Variants in PPEF2 observed in about 807,000 individuals in gnomAD.
PPEF2 encodes the protein serine/threonine-protein phosphatase with EF-hands 2.
In PPEF2, 84 loss-of-function variants were observed where a neutral mutation model predicts 84.7. The ratio of observed to expected loss-of-function variants is 0.99; its 90% confidence interval spans 0.83 to 1.19. The LOEUF is 1.19. Ranked by LOEUF, PPEF2 falls within the 50% of genes most tolerant of loss-of-function variation. PPEF2 has a pLI of 0.00. For synonymous variants in PPEF2, 346 were observed against 345.2 expected (o/e 1.00, Z -0.03); for missense variants, 924 against 937.5 (o/e 0.99, Z 0.19).
intron 13 of PPEF2, among the ~76,000 whole-genome samples, chr4:75,869,757 G>T (rs1249159623): frequency 6.6e-6 from 1 of 152,070 alleles, no homozygotes; most frequent in Non-Finnish European, 1.5e-5. Flanking sequence ...TGAAGTGGGA[G>T]GATCTCTTAA....
chr4:75,870,169 A>G lies in PPEF2; in HGVS notation c.1649+1856T>C, dbSNP rs112815065. On this transcript the variant is annotated intron_variant, in intron 13 of 16. Coordinates refer to ENST00000286719, the MANE Select transcript of PPEF2 (RefSeq NM_006239.3). ...CTATTACTACTGTAGGGAATCCTAG[A>G]GTGACTCTTTTTGCAGTGACAACCC... Among the ~76,000 whole-genome samples the G allele has an allele frequency of 9.9e-5, 15 of 152,280 alleles. 1 individual carries two copies. Among genetic ancestry groups the G allele is most frequent in the African/African-American group, 3.6e-4 (15 of 41,556 alleles).
chr4:75,862,273 A>G (rs902170562), intron 16 of PPEF2, among the ~76,000 whole-genome samples: 17 of 132,502 alleles, frequency 1.3e-4, no homozygotes, highest in Non-Finnish European at 2.6e-4. Flanking sequence ...AGCCTAGGTG[A>G]CAGAGCGAGA....
intron 1 of PPEF2, among the ~76,000 whole-genome samples, chr4:75,897,815 C>T (rs1006644511): frequency 2.0e-5 from 3 of 152,186 alleles, no homozygotes; most frequent in East Asian, 1.9e-4. Context: ...CCAAAAGCCT[C>T]GTCTGCCGAG....
chr4:75,866,314 A>G lies in PPEF2; in HGVS notation c.1795T>C (p.Ser599Pro). Residue 599 changes from serine to proline, a missense_variant, in exon 15 of 17, where the codon TCT (serine) becomes CCT (proline). Ser to Pro is a moderately conservative substitution (Grantham distance 74). Coordinates refer to ENST00000286719, the MANE Select transcript of PPEF2 (RefSeq NM_006239.3). ...TLSDWAAAVE[S>P]VLHLGLPWRM... The stretch of plus-strand genomic sequence containing the variant: ...CATGGCAGTCCTAGGTGCAACACAG[A>G]CTCCACCGCTGCTGCCCAGTCACTC... The G allele has an allele frequency of 1.9e-6, 3 of 1,613,848 alleles. No homozygotes were observed. Among genetic ancestry groups the G allele is most frequent in the Non-Finnish European group, 1.7e-6 (2 of 1,179,960 alleles).
At chr4:75,861,711 G>A (rs1273919923) in intron 16 of PPEF2, among the ~76,000 whole-genome samples, 2 of 138,638 alleles carry the variant, frequency 1.4e-5, no homozygotes, top group South Asian at 5.7e-4. Context: ...CTGGGTTCAC[G>A]CCATTCTCCT....
intron 11 of PPEF2, among the ~76,000 whole-genome samples, chr4:75,874,131 T>C (rs7655452): frequency 0.089 from 763 of 8,562 alleles, 7 homozygotes; most frequent in South Asian, 0.25. Context: ...AACAAACAAA[T>C]AAATAAATAA....
chr4:75,878,219 C>G (rs1178606818), intron 10 of PPEF2, among the ~76,000 whole-genome samples: 1 of 152,194 alleles, frequency 6.6e-6, no homozygotes, highest in African/African-American at 2.4e-5. Flanking sequence ...TAGAGTCCCT[C>G]TCACTTGCGG....
chr4:75,890,094 C>G lies in PPEF2; in HGVS notation c.280G>C (p.Ala94Pro). The part of the protein sequence containing the change: ...LTRIFTEDRF[A>P]QDSEMKKCSD... ...CATTTCTTCATCTCGGAGTCCTGGG[C>G]GAATCTGTCCTCAGTGAATATGCGG... Residue 94 changes from alanine to proline, a missense_variant, in exon 5 of 17, where the codon GCC (alanine) becomes CCC (proline). By Grantham distance (27) the Ala-to-Pro change is conservative. Transcript: ENST00000286719. 6.2e-7 allele frequency: 1 copy of G among 1,613,950 alleles called. No individual in the cohort carries two copies. Among genetic ancestry groups the G allele is most frequent in the Non-Finnish European group, 8.5e-7 (1 of 1,179,996 alleles).
chr4:75,892,020 C>T, intron 2 of PPEF2, 42 bp from the exon 3 acceptor site: 1 of 1,603,296 alleles, frequency 6.2e-7, no homozygotes, highest in Non-Finnish European at 8.5e-7. Context: ...GCTCGGACTC[C>T]CTGGGCCAGG....
chr4:75,889,934 C>A, intron 5 of PPEF2, 23 bp downstream of exon 5: 1 of 1,612,904 alleles, frequency 6.2e-7, no homozygotes, highest in Non-Finnish European at 8.5e-7. Context: ...TGGTAGTGAC[C>A]CAGGTTCCCC....
intron 4 of PPEF2, 33 bp from the exon 5 acceptor site, chr4:75,890,165 G>A (rs761169109): frequency 1.2e-6 from 2 of 1,607,266 alleles, no homozygotes; most frequent in Non-Finnish European, 1.7e-6. Flanking sequence ...ATCAGCTTAT[G>A]ATCATCTGAT....
intron 4 of PPEF2, among the ~76,000 whole-genome samples, chr4:75,890,361 C>G (rs1724847747): frequency 6.6e-6 from 1 of 151,958 alleles, no homozygotes; most frequent in African/African-American, 2.4e-5. Context: ...TGGTGTCACA[C>G]ACCTGTAGTT....
chr4:75,887,925 G>T (rs575781379), intron 6 of PPEF2, among the ~76,000 whole-genome samples: 7 of 152,160 alleles, frequency 4.6e-5, no homozygotes, highest in Non-Finnish European at 7.3e-5. Context: ...GGAGGGTCTG[G>T]TTATTTGCAG....
At chr4:75,876,147 A>C in intron 11 of PPEF2, 140 bp downstream of exon 11, 1 of 1,084,230 alleles carries the variant, frequency 9.2e-7, no homozygotes, top group Non-Finnish European at 1.3e-6. Flanking sequence ...GTCATTAGGC[A>C]AATACTAGTG....
At chr4:75,898,048 G>A (rs950084969) in intron 1 of PPEF2, among the ~76,000 whole-genome samples, 3 of 152,220 alleles carry the variant, frequency 2.0e-5, no homozygotes, top group Non-Finnish European at 2.9e-5. Context: ...GGGAAACGAA[G>A]GGATGGGCCG....
At chr4:75,888,489 C>T (rs369512175) in intron 5 of PPEF2, among the ~76,000 whole-genome samples, 161 bp from the exon 6 acceptor site, 20 of 152,312 alleles carry the variant, frequency 1.3e-4, no homozygotes, top group East Asian at 9.6e-4. Context: ...CTTTATCACT[C>T]AACTTCTGCC....
intron 16 of PPEF2, among the ~76,000 whole-genome samples, chr4:75,861,373 T>C (rs889791824): frequency 6.6e-6 from 1 of 151,630 alleles, no homozygotes; most frequent in Non-Finnish European, 1.5e-5. Flanking sequence ...ACATCTATAG[T>C]CAATTGATTT....
Position 75,888,312 on chromosome 4 carries a change from T to G in PPEF2, c.434A>C (p.Tyr145Ser). ...FRLKQQLHAR[Y>S]VLNLLYETKK... ...GGTTTCATACAAAAGGTTCAAGACG[T>G]AGCGAGCATGGAGCTGCTACTGGGA... is the stretch of plus-strand genomic sequence containing the variant. The change falls in exon 6 of 17, where the codon TAC becomes TCC. Residue 145 changes from tyrosine (Y) to serine (S), a missense_variant. Physicochemically the swap from Tyr to Ser is moderately radical, Grantham distance 144 (BLOSUM62 -2). Transcript: ENST00000286719. The G allele has an allele frequency of 1.9e-6, 3 of 1,613,618 alleles. No homozygotes were observed. Among genetic ancestry groups the G allele is most frequent in the Non-Finnish European group, 2.5e-6 (3 of 1,179,618 alleles).
Position 75,862,622 on chromosome 4 carries a change from C to A in PPEF2, c.2009-1702G>T, listed in dbSNP as rs545456322. On this transcript the variant is annotated intron_variant, in intron 16 of 16. Transcript: ENST00000286719. ...GGGTATAATAAAAACTAAAAAAAAA[C>A]CCCACAAAAAACAAAAATGGAAAAT... Among the ~76,000 whole-genome samples the A allele has an allele frequency of 3.3e-3, 505 of 151,546 alleles. 3 individuals are homozygous for A. Among genetic ancestry groups the A allele is most frequent in the South Asian group, 7.3e-3 (35 of 4,818 alleles).
Sources: allele counts gnomAD v4.1 joint callset (sites outside exome capture counted in the v4.1 genomes callset), GRCh38; gene constraint gnomAD v4.1.1; transcripts MANE v1.5; gene names NCBI Gene and HGNC (gene_info 2026-07-23, HGNC 2026-07-21).